DET1: variants seen among roughly 807,000 people sequenced by gnomAD.
DET1 encodes the protein DET1 partner of COP1 E3 ubiquitin ligase, also known as DET1 homolog.
In DET1, 22 loss-of-function variants were observed where a neutral mutation model predicts 43.7. That is an observed-to-expected ratio of 0.50 (90% CI 0.36 to 0.72). The LOEUF (loss-of-function observed/expected upper bound fraction) is 0.72, where lower values mean the gene tolerates loss of function less well. DET1 is among the 30% of genes least tolerant of loss of function. The probability of loss-of-function intolerance (pLI) is 0.00; values close to 1 mark genes in which losing one functional copy is unlikely to be tolerated. For synonymous variants in DET1, 315 were observed against 266.2 expected (o/e 1.18, Z -1.79); for missense variants, 713 against 713.3 (o/e 1.00, Z 0.00).
chr15:88,522,512 G>GTTTTTTTTTTTTTTTTTTTTTTTTTTTTT lies in DET1; in HGVS notation c.1271+5086_1271+5087insAAAAAAAAAAAAAAAAAAAAAAAAAAAAA, dbSNP rs55764530. 2.7e-4 allele frequency among the ~76,000 whole-genome samples: 22 copies of GTTTTTTTTTTTTTTTTTTTTTTTTTTTTT among 80,294 alleles called. 4 individuals carry two copies. The highest frequency in any genetic ancestry group is 3.6e-4 in the Non-Finnish European group (16 of 43,942). The allele number at this position is 80,294 out of a possible 152,430, so 52.7% of individuals were successfully genotyped here. Reference sequence around the variant, plus strand: ...TCTCATTGTTCTAGGAATGTTCCTGGTTTTTTTTTTTTTTTGAGTTGGAGT... The same window carrying GTTTTTTTTTTTTTTTTTTTTTTTTTTTTT: ...TCTCATTGTTCTAGGAATGTTCCTGGTTTTTTTTTTTTTTTTTTTTTTTTTTTTTTTTTTTTTTTTTTTTGAGTTGGAGT... On this transcript the variant is annotated intron_variant, in intron 3 of 4. Coordinates refer to ENST00000268148, the MANE Select transcript of DET1 (RefSeq NM_001144074.3).
At chr15:88,514,419 C>G (rs2056286759) in intron 4 of DET1, among the ~76,000 whole-genome samples, 1 of 152,144 alleles carries the variant, frequency 6.6e-6, no homozygotes, top group African/African-American at 2.4e-5. Context: ...TACCTTTTGA[C>G]TCAATAATCT....
At chr15:88,540,400 G>A (rs983264067) in intron 1 of DET1, among the ~76,000 whole-genome samples, 7 of 151,936 alleles carry the variant, frequency 4.6e-5, no homozygotes, top group African/African-American at 7.3e-5. Flanking sequence ...GCCCCCCAGG[G>A]AGTGAGTTTC....
At chr15:88,512,249 G>A, downstream of DET1, 1 of 602,658 alleles carries the variant, frequency 1.7e-6, no homozygotes, top group Non-Finnish European at 2.1e-6. Context: ...ACATGAGGAT[G>A]TGCAATTACA....
At chr15:88,534,085 T>C (rs1220626046) in intron 1 of DET1, among the ~76,000 whole-genome samples, 2 of 152,090 alleles carry the variant, frequency 1.3e-5, no homozygotes, top group African/African-American at 4.8e-5. Context: ...ACACTTACAA[T>C]CAGTTAAGAC....
At position 88,513,016 on chromosome 15, in the gene DET1, T is replaced by C. The variant is rs750889030; in HGVS notation, c.1588A>G (p.Ile530Val). Residue 530 changes from isoleucine to valine, a missense_variant, in exon 5 of 5, where the codon ATT becomes GTT. By Grantham distance (29) the Ile-to-Val change is conservative (BLOSUM62 3). Transcript: ENST00000268148. ...TCAGCATTAGTCCTCTGCACAGAAA[T>C]AGCGAAAGGCTCAAAAGGGTGAAAG... ...FTFHPFEPFA[I>V]SVQRTNAEYV... 2 of 1,613,898 alleles carry C rather than the reference T, an allele frequency of 1.2e-6. No individual in the cohort carries two copies. The highest frequency in any genetic ancestry group is 1.3e-5 in the African/African-American group (1 of 74,926).
intron 1 of DET1, among the ~76,000 whole-genome samples, chr15:88,539,094 GCTCTCT>G (rs35379111): frequency 1.3e-3 from 190 of 148,134 alleles, no homozygotes; most frequent in African/African-American, 4.4e-3. Flanking sequence ...CTGGCAGACC[GCTCTCT>G]CTCTCTCTCT....
rs1598336851 is a variant in DET1, at chr15:88,530,730, G to A, written c.976C>T (p.Leu326=). ...KRRFFQYFDQ[L]RQLRMWKMQL... is the part of the protein sequence containing the mutation. ...ATTTTCCACATTCGCAGCTGCCGCA[G>A]TTGGTCAAAATACTGGAAGAAGCGC... The change falls in exon 2 of 5, where the codon CTG becomes TTG. Residue 326 remains leucine (L), a synonymous_variant. Transcript: ENST00000268148. 6.2e-7 allele frequency: 1 copy of A among 1,613,998 alleles called. No homozygotes were observed. The highest frequency in any genetic ancestry group is 8.5e-7 in the Non-Finnish European group (1 of 1,179,884).
In DET1 at chr15:88,531,350, CG is replaced by C; in HGVS notation, c.355del (p.Arg119GlyfsTer22). The stretch of plus-strand genomic sequence containing the variant: ...CAGGACAAAAAAGCGTTCAAAGAGC[CG>C]GCCCCGGATATTCACTGACCGCTGG... The part of the protein sequence containing the change: ...NDQRSVNIRG[R>X]LFERFFVLLH... On this transcript the variant is annotated frameshift_variant, in exon 2 of 5. Transcript: ENST00000268148. LOFTEE classifies it high-confidence loss of function. The surrounding 1 kb of genome is among the most constrained non-coding windows in gnomAD (Gnocchi z 6.2). 6.2e-7 allele frequency: 1 copy of C among 1,613,972 alleles called. No individual in the cohort carries two copies. Among genetic ancestry groups the C allele is most frequent in the South Asian group, 1.1e-5 (1 of 91,080 alleles).
chr15:88,539,361 G>A (rs1302860267), intron 1 of DET1, among the ~76,000 whole-genome samples: 1 of 149,664 alleles, frequency 6.7e-6, no homozygotes, highest in African/African-American at 2.5e-5. Flanking sequence ...GCCTGCCAAT[G>A]CTAAGAGGAG....
chr15:88,511,054 G>A (rs1392402958), downstream of DET1, among the ~76,000 whole-genome samples: 1 of 152,170 alleles, frequency 6.6e-6, no homozygotes, highest in East Asian at 1.9e-4. Flanking sequence ...TTACAGGCAT[G>A]AGCCACCACG....
chr15:88,513,793 C>CTTTTT (rs55855042), intron 4 of DET1, among the ~76,000 whole-genome samples: 52 of 68,476 alleles, frequency 7.6e-4, no homozygotes, highest in Non-Finnish European at 8.4e-4. Context: ...AGAATAAATT[C>CTTTTT]TTTTTTTTTT....
chr15:88,521,207 T>C (rs2056481611), intron 3 of DET1, among the ~76,000 whole-genome samples: 1 of 152,206 alleles, frequency 6.6e-6, no homozygotes, highest in Non-Finnish European at 1.5e-5. Context: ...CTCAGGGCCT[T>C]TAGATATGCT....
At chr15:88,541,541 C>T (rs190279891) in intron 1 of DET1, among the ~76,000 whole-genome samples, 79 of 152,250 alleles carry the variant, frequency 5.2e-4, no homozygotes, top group African/African-American at 1.6e-3. Context: ...CAGAGAATTA[C>T]GGAGTCTGCC....
intron 3 of DET1, among the ~76,000 whole-genome samples, chr15:88,525,070 T>G (rs1437759804): frequency 6.6e-6 from 1 of 152,216 alleles, no homozygotes; most frequent in Non-Finnish European, 1.5e-5. Context: ...AAGAGACATA[T>G]AAATTTGAGA....
At chr15:88,534,654 T>A (rs4407042) in intron 1 of DET1, among the ~76,000 whole-genome samples, 64,993 of 152,000 alleles carry the variant, frequency 0.43, 15,090 homozygotes, top group East Asian at 0.65. Flanking sequence ...CTTTGAGAAC[T>A]GAAATAATCA....
At chr15:88,524,554 T>C (rs1234919975) in intron 3 of DET1, among the ~76,000 whole-genome samples, 2 of 152,202 alleles carry the variant, frequency 1.3e-5, no homozygotes, top group Non-Finnish European at 2.9e-5. Flanking sequence ...AGAGATCAGA[T>C]TGTTACTGTG....
chr15:88,514,247 T>C (rs969753448), intron 4 of DET1, among the ~76,000 whole-genome samples: 1 of 150,020 alleles, frequency 6.7e-6, no homozygotes, highest in Admixed American at 6.6e-5. Flanking sequence ...AAATGTCCTG[T>C]GGTTTGGGGA....
chr15:88,507,807 C>T (rs2056157560), downstream of DET1, among the ~76,000 whole-genome samples: 3 of 152,210 alleles, frequency 2.0e-5, no homozygotes. Context: ...TCATAGATGA[C>T]ATGGCTGATT....
At chr15:88,510,344 G>A (rs937402463), downstream of DET1, among the ~76,000 whole-genome samples, 7 of 152,132 alleles carry the variant, frequency 4.6e-5, no homozygotes, top group Admixed American at 1.3e-4. Context: ...ATGAGCAGAA[G>A]GGCCCAGATT....
Sources: allele counts gnomAD v4.1 joint callset (sites outside exome capture counted in the v4.1 genomes callset), GRCh38; gene constraint gnomAD v4.1.1; non-coding constraint Gnocchi (gnomAD v3.1); transcripts MANE v1.5; gene names NCBI Gene and HGNC (gene_info 2026-07-23, HGNC 2026-07-21).